The following PTPRN2 variants were observed in gnomAD, a reference collection of about 807,000 sequenced individuals.
The protein encoded by PTPRN2 is receptor-type tyrosine-protein phosphatase N2.
In PTPRN2, 74 loss-of-function variants were observed where a neutral mutation model predicts 118.8. The observed-to-expected ratio is 0.62, with a 90% confidence interval of 0.52 to 0.76. PTPRN2 has a LOEUF of 0.76. PTPRN2 is among the 30% of genes least tolerant of loss of function. The pLI is 0.00. For synonymous variants in PTPRN2, 641 were observed against 608.0 expected (o/e 1.05, Z -0.80); for missense variants, 1,481 against 1,394.4 (o/e 1.06, Z -0.99).
chr7:158,256,474 ATGG>A (rs1352015902), intron 3 of PTPRN2, among the ~76,000 whole-genome samples: 3 of 152,056 alleles, frequency 2.0e-5, no homozygotes, highest in African/African-American at 7.2e-5. Flanking sequence ...AAAGTTTTAG[ATGG>A]TGGACCATTG....
rs138679651 is a variant in PTPRN2, at chr7:158,546,846, C to G, written c.112+40712G>C. ...ACAGGGCATGGGCACTCCAGAGGGG[C>G]TCAGCTTATGGTTAACGCTGGGGCT... On this transcript the variant is annotated intron_variant, in intron 1 of 22. Coordinates refer to ENST00000389418, the MANE Select transcript of PTPRN2 (RefSeq NM_002847.5). The surrounding 1 kb of genome is among the most constrained non-coding windows in gnomAD (Gnocchi z 5.0). 1.8e-3 allele frequency among the ~76,000 whole-genome samples: 275 copies of G among 152,360 alleles called. 1 individual carries two copies. Among genetic ancestry groups the G allele is most frequent in the Non-Finnish European group, 3.4e-3 (233 of 68,032 alleles).
chr7:158,138,301 G>A lies in PTPRN2; in HGVS notation c.1125C>T (p.Ser375=). ...CCATGGCGCTGCAGTCACCTGGAAA[G>A]CTGTCTCCACGGAGGGTGGCCTTGG... is the stretch of plus-strand genomic sequence containing the variant. The part of the protein sequence containing the change: ...DGPKATLRGD[S]FPDDGVQDDD... The change falls in exon 7 of 23, where the codon AGC becomes AGT. Residue 375 remains serine, a synonymous_variant. Coordinates refer to ENST00000389418, the MANE Select transcript of PTPRN2 (RefSeq NM_002847.5). The A allele has an allele frequency of 6.2e-7, 1 of 1,612,830 alleles. No homozygotes were observed. Among genetic ancestry groups the A allele is most frequent in the Non-Finnish European group, 8.5e-7 (1 of 1,179,988 alleles).
At chr7:158,547,490 G>A (rs1051143336) in intron 1 of PTPRN2, among the ~76,000 whole-genome samples, 2 of 152,170 alleles carry the variant, frequency 1.3e-5, no homozygotes, top group Admixed American at 1.3e-4. Context: ...TTGTCCTTCC[G>A]TGTCTGGCTT....
intron 2 of PTPRN2, among the ~76,000 whole-genome samples, chr7:158,452,514 C>T (rs1370383763): frequency 1.3e-5 from 2 of 152,190 alleles, no homozygotes; most frequent in African/African-American, 4.8e-5. Flanking sequence ...GCACGCCACG[C>T]ACCTGCCCCT....
chr7:158,246,937 G>A (rs1206060749), intron 3 of PTPRN2, among the ~76,000 whole-genome samples: 3 of 152,200 alleles, frequency 2.0e-5, no homozygotes. Context: ...TTGAGTTTCT[G>A]TGATGAGGCC....
intron 13 of PTPRN2, among the ~76,000 whole-genome samples, chr7:157,677,590 A>G (rs1796727809): frequency 6.6e-6 from 1 of 152,198 alleles, no homozygotes; most frequent in African/African-American, 2.4e-5. Flanking sequence ...CTTTCCAGAA[A>G]AACGTTCAGA....
chr7:157,614,245 A>G (rs1802608350), intron 15 of PTPRN2: 1 of 409,036 alleles, frequency 2.4e-6, no homozygotes, highest in Non-Finnish European at 5.1e-6. Flanking sequence ...CAGGCTGGTC[A>G]TGTTCCTACA....
Position 157,974,347 on chromosome 7 carries a change from G to A in PTPRN2, c.1724-75610C>T, listed in dbSNP as rs1802573110. On this transcript the variant is annotated intron_variant, in intron 11 of 22. Coordinates refer to ENST00000389418, the MANE Select transcript of PTPRN2 (RefSeq NM_002847.5). The surrounding 1 kb of genome is among the most constrained non-coding windows in gnomAD (Gnocchi z 4.0). Reference sequence around the variant, plus strand: ...CACGGGGCTCCTCCCCAGCTCACGGGGAAATCCCCTTTAATTTCAAACAGG... The same window carrying A: ...CACGGGGCTCCTCCCCAGCTCACGGAGAAATCCCCTTTAATTTCAAACAGG... 6.6e-6 allele frequency among the ~76,000 whole-genome samples: 1 copy of A among 152,198 alleles called. No homozygotes were observed. The highest frequency in any genetic ancestry group is 6.5e-5 in the Admixed American group (1 of 15,282).
chr7:158,320,533 C>T (rs1361717985), intron 2 of PTPRN2, among the ~76,000 whole-genome samples: 2 of 57,562 alleles, frequency 3.5e-5, no homozygotes, highest in East Asian at 3.9e-4. Flanking sequence ...AGGTGGCGTC[C>T]GTGTTCCCGC....
intron 2 of PTPRN2, among the ~76,000 whole-genome samples, chr7:158,321,477 C>A (rs1428631102): frequency 6.6e-6 from 1 of 152,202 alleles, no homozygotes; most frequent in African/African-American, 2.4e-5. Context: ...CCCGGACTGA[C>A]CCGTCCAGCT....
At chr7:157,659,048 G>A (rs946063646) in intron 13 of PTPRN2, among the ~76,000 whole-genome samples, 4 of 151,650 alleles carry the variant, frequency 2.6e-5, no homozygotes, top group Non-Finnish European at 4.4e-5. Flanking sequence ...CCTTCACCCC[G>A]GGCTGCCGGC....
At chr7:157,822,334 C>A (rs1806897577) in intron 12 of PTPRN2, among the ~76,000 whole-genome samples, 1 of 151,848 alleles carries the variant, frequency 6.6e-6, no homozygotes, top group Admixed American at 6.6e-5. Context: ...CCCACTCATC[C>A]ATCCATCCAT....
intron 2 of PTPRN2, among the ~76,000 whole-genome samples, chr7:158,432,843 G>A (rs1816320026): frequency 6.6e-6 from 1 of 152,076 alleles, no homozygotes; most frequent in South Asian, 2.1e-4. Context: ...GAAACACCTG[G>A]TGACTGACCT....
chr7:157,823,703 C>T (rs1053795809), intron 12 of PTPRN2, among the ~76,000 whole-genome samples: 5 of 152,192 alleles, frequency 3.3e-5, no homozygotes, highest in Admixed American at 6.5e-5. Flanking sequence ...GATTTTCTCA[C>T]TCATTGGCTA....
intron 12 of PTPRN2, among the ~76,000 whole-genome samples, chr7:157,685,359 C>T (rs891818733): frequency 2.0e-5 from 3 of 152,038 alleles, no homozygotes; most frequent in Non-Finnish European, 4.4e-5. Flanking sequence ...GTGAGGCCCA[C>T]ACGCGCGCGG....
intron 6 of PTPRN2, among the ~76,000 whole-genome samples, chr7:158,161,710 A>G (rs1309921343): frequency 1.3e-5 from 2 of 152,252 alleles, no homozygotes; most frequent in African/African-American, 4.8e-5. Flanking sequence ...GGCAAAATCC[A>G]TGAATAAAAT....
At chr7:158,513,866 A>T (rs1280509425) in intron 1 of PTPRN2, among the ~76,000 whole-genome samples, 1 of 152,228 alleles carries the variant, frequency 6.6e-6, no homozygotes, top group Non-Finnish European at 1.5e-5. Flanking sequence ...TTCAAGGAAC[A>T]TGTTAACATC....
At chr7:157,737,324 C>T (rs904833417) in intron 12 of PTPRN2, among the ~76,000 whole-genome samples, 6 of 152,160 alleles carry the variant, frequency 3.9e-5, no homozygotes, top group African/African-American at 9.7e-5. Context: ...TTCCTGTGTC[C>T]GTGGTTTGGA....
At chr7:158,460,453 TAGAGGGTCTGTGTGCCAAGACC>T (rs1818900609) in intron 2 of PTPRN2, among the ~76,000 whole-genome samples, 1 of 150,050 alleles carries the variant, frequency 6.7e-6, no homozygotes, top group African/African-American at 2.5e-5. Context: ...AAGTTCCTGC[TAGAGGGTCTGTGTGCCAAGACC>T]ACAGGAGGGT....
Sources: allele counts gnomAD v4.1 joint callset (sites outside exome capture counted in the v4.1 genomes callset), GRCh38; gene constraint gnomAD v4.1.1; non-coding constraint Gnocchi (gnomAD v3.1); transcripts MANE v1.5; gene names NCBI Gene and HGNC (gene_info 2026-07-23, HGNC 2026-07-21).